Variants in CA10 observed in about 807,000 individuals in gnomAD.
CA10 encodes the protein carbonic anhydrase-related protein 10.
A neutral mutation model predicts 44.2 loss-of-function variants in CA10; 14 were observed. The observed-to-expected ratio is 0.32, with a 90% CI of 0.21 to 0.50. The LOEUF (loss-of-function observed/expected upper bound fraction) is 0.50, where lower values mean the gene tolerates loss of function less well. Ranked by LOEUF, CA10 falls within the 20% of genes least tolerant of loss-of-function variation. CA10 has a pLI of 0.99. For missense variants in CA10, 350 were observed against 409.7 expected (o/e 0.85, Z 1.26); for synonymous variants, 159 against 141.6 (o/e 1.12, Z -0.87).
At chr17:51,883,628 C>T (rs1980472576) in intron 3 of CA10, among the ~76,000 whole-genome samples, 1 of 152,074 alleles carries the variant, frequency 6.6e-6, no homozygotes. Flanking sequence ...TCCAGGATAC[C>T]ACACTCTTCC....
intron 2 of CA10, among the ~76,000 whole-genome samples, chr17:51,947,076 T>C (rs1342169521): frequency 1.3e-5 from 2 of 152,072 alleles, no homozygotes; most frequent in Non-Finnish European, 2.9e-5. Context: ...ATGCTTCCAT[T>C]GTCTCAGAAA....
intron 2 of CA10, among the ~76,000 whole-genome samples, chr17:51,987,614 G>C (rs943371000): frequency 6.6e-6 from 1 of 151,780 alleles, no homozygotes; most frequent in African/African-American, 2.4e-5. Flanking sequence ...TATTTATTCA[G>C]AATATTCTAT....
chr17:52,146,367 C>T lies in CA10; in HGVS notation c.61+11359G>A, dbSNP rs184839773. ...TTGAGGTTGGGAGTTTTAGACCAGC[C>T]TGACCAATGTGGTGAAACACCATGG... is the stretch of plus-strand genomic sequence containing the variant. On this transcript the variant is annotated intron_variant, in intron 1 of 8. Transcript: ENST00000451037. Among the ~76,000 whole-genome samples the T allele has an allele frequency of 4.8e-3, 732 of 152,210 alleles. 7 individuals are homozygous for T. The highest frequency in any genetic ancestry group is 0.017 in the African/African-American group (699 of 41,546).
At position 51,872,900 on chromosome 17, in the gene CA10, G is replaced by T. The variant is rs570771456; in HGVS notation, c.279+58090C>A. Among the ~76,000 whole-genome samples the T allele has an allele frequency of 7.0e-3, 1,061 of 152,266 alleles. 15 individuals carry two copies. Among genetic ancestry groups the T allele is most frequent in the African/African-American group, 0.024 (986 of 41,566 alleles). On this transcript the variant is annotated intron_variant, in intron 3 of 8. Transcript: ENST00000451037. ...AACCTTCCACACCAGTTAGCCAAAA[G>T]CACCTAAGTGGCTTTCAGAGGATTA...
chr17:51,661,843 T>C (rs1005340795), intron 4 of CA10: 1 of 152,246 alleles, frequency 6.6e-6, no homozygotes, highest in Non-Finnish European at 1.5e-5. Flanking sequence ...CAGCAGACTT[T>C]TTCCTGTAAA....
chr17:52,076,221 C>T (rs1279355253), intron 1 of CA10, among the ~76,000 whole-genome samples: 1 of 152,158 alleles, frequency 6.6e-6, no homozygotes, highest in Admixed American at 6.5e-5. Flanking sequence ...AAACATCTAT[C>T]TAGAAGGAAG....
At chr17:51,802,500 A>C (rs34118038) in intron 3 of CA10, among the ~76,000 whole-genome samples, 3,699 of 140,898 alleles carry the variant, frequency 0.026, 153 homozygotes, top group African/African-American at 0.09. Flanking sequence ...CCCTCAGGCT[A>C]GTGCCTTCAG....
chr17:51,754,400 GATATATATATATATATAT>G (rs56145404), intron 3 of CA10, among the ~76,000 whole-genome samples: 954 of 73,090 alleles, frequency 0.013, 24 homozygotes, highest in African/African-American at 0.031. Context: ...GTGTGTGTGT[GATATATATATATATATAT>G]ATATATATAT....
intron 3 of CA10, among the ~76,000 whole-genome samples, chr17:51,890,231 G>A (rs773350906): frequency 1.2e-4 from 18 of 152,148 alleles, no homozygotes; most frequent in Admixed American, 4.6e-4. Flanking sequence ...GGTCATTCAT[G>A]GGGATAGAGT....
At chr17:51,953,459 T>G (rs936315272) in intron 2 of CA10, among the ~76,000 whole-genome samples, 4 of 151,952 alleles carry the variant, frequency 2.6e-5, no homozygotes, top group Non-Finnish European at 5.9e-5. Context: ...ATTTTTGTTT[T>G]TTTTTTTTAA....
At chr17:52,009,942 C>T (rs1425064030) in intron 2 of CA10, among the ~76,000 whole-genome samples, 2 of 151,920 alleles carry the variant, frequency 1.3e-5, no homozygotes, top group East Asian at 3.9e-4. Flanking sequence ...GGGCTAAGGA[C>T]ATGAATAGAC....
At chr17:51,702,248 G>A (rs201707127) in intron 4 of CA10, among the ~76,000 whole-genome samples, 2 of 152,226 alleles carry the variant, frequency 1.3e-5, no homozygotes, top group East Asian at 3.9e-4. Context: ...TTCCAGATGA[G>A]AGCACAGAGG....
intron 4 of CA10, among the ~76,000 whole-genome samples, chr17:51,689,727 T>G (rs1915123564): frequency 6.6e-6 from 1 of 152,188 alleles, no homozygotes; most frequent in Non-Finnish European, 1.5e-5. Context: ...GCAGGCAACA[T>G]GCCTTTTCTT....
intron 4 of CA10, among the ~76,000 whole-genome samples, chr17:51,674,512 A>AAAC (rs1914544891): frequency 6.6e-6 from 1 of 152,210 alleles, no homozygotes. Flanking sequence ...ATGAAATAGC[A>AAAC]AACAATATAT....
chr17:51,633,636 G>A lies in CA10; in HGVS notation c.804C>T (p.Arg268=), dbSNP rs1313690981. The change falls in exon 8 of 9, where the codon CGC becomes CGT. Residue 268 remains arginine, a synonymous_variant. Coordinates refer to ENST00000451037, the MANE Select transcript of CA10 (RefSeq NM_020178.5). ...GAGATGGCTGGTTCTGGCTGAGCAG[G>A]CGCAAGGAATGCATCTGAGGAGAGA... ...YITRMQMHSL[R]LLSQNQPSQI... 1.9e-6 allele frequency: 3 copies of A among 1,613,752 alleles called. No individual in the cohort carries two copies. The highest frequency in any genetic ancestry group is 2.2e-5 in the East Asian group (1 of 44,876).
intron 3 of CA10, among the ~76,000 whole-genome samples, chr17:51,871,995 G>T (rs1162742477): frequency 6.6e-6 from 1 of 152,152 alleles, no homozygotes; most frequent in Non-Finnish European, 1.5e-5. Flanking sequence ...TTTGGGAAAG[G>T]GTCCCAGTGT....
intron 3 of CA10, among the ~76,000 whole-genome samples, chr17:51,911,300 A>G (rs1231040355): frequency 6.6e-6 from 1 of 152,180 alleles, no homozygotes; most frequent in East Asian, 1.9e-4. Context: ...TTTGTGGTGG[A>G]TAGATAGCGT....
chr17:52,019,053 G>A (rs1986056378), intron 2 of CA10, among the ~76,000 whole-genome samples: 1 of 152,050 alleles, frequency 6.6e-6, no homozygotes, highest in Non-Finnish European at 1.5e-5. Context: ...ATGATTGGAA[G>A]CTTCTGGGGG....
intron 3 of CA10, among the ~76,000 whole-genome samples, chr17:51,878,983 C>A (rs1980243083): frequency 6.8e-6 from 1 of 146,728 alleles, no homozygotes; most frequent in Non-Finnish European, 1.5e-5. Flanking sequence ...CTATAATTCC[C>A]AAATCTCAAA....
Sources: gnomAD v4.1 joint callset for allele counts (sites outside exome capture counted in the v4.1 genomes callset) on GRCh38, gnomAD v4.1.1 for gene constraint, MANE v1.5 for transcripts, NCBI Gene and HGNC (gene_info 2026-07-23, HGNC 2026-07-21) for gene names.